The following TCF12 variants were observed in gnomAD, a reference collection of about 807,000 sequenced individuals.
The protein encoded by TCF12 is DNA-binding protein HTF4.
TCF12 carries 45 observed loss-of-function variants against 86.0 expected under a neutral mutation model. That is an observed-to-expected ratio of 0.52 (90% confidence interval 0.41 to 0.67). The LOEUF (loss-of-function observed/expected upper bound fraction) is 0.67. TCF12 is among the 30% of genes least tolerant of loss of function. The pLI is 0.00. For synonymous variants in TCF12, 330 were observed against 299.6 expected (o/e 1.10, Z -1.05); for missense variants, 881 against 859.9 (o/e 1.02, Z -0.31).
intron 3 of TCF12, among the ~76,000 whole-genome samples, chr15:56,928,252 T>A (rs1450745528): frequency 5.3e-5 from 8 of 152,288 alleles, no homozygotes; most frequent in African/African-American, 1.9e-4. Flanking sequence ...AATAAGGTTA[T>A]CTATATATTT....
intron 4 of TCF12, among the ~76,000 whole-genome samples, chr15:57,068,556 T>C (rs1333455125): frequency 6.6e-6 from 1 of 152,216 alleles, no homozygotes; most frequent in Admixed American, 6.5e-5. Flanking sequence ...CTGCCAAACT[T>C]GGATATAAAA....
At chr15:57,060,745 A>G (rs1385470510) in intron 3 of TCF12, among the ~76,000 whole-genome samples, 1 of 152,044 alleles carries the variant, frequency 6.6e-6, no homozygotes, top group South Asian at 2.1e-4. Context: ...GTCAATAGGT[A>G]TTTTTTTCAG....
chr15:56,936,839 A>G (rs749101000), intron 3 of TCF12, among the ~76,000 whole-genome samples: 112 of 152,114 alleles, frequency 7.4e-4, no homozygotes, highest in Middle Eastern at 3.4e-3. Flanking sequence ...CTGTGTGCTT[A>G]TTTTTATACT....
At chr15:57,224,013 C>T (rs1266353742) in intron 8 of TCF12, among the ~76,000 whole-genome samples, 1 of 151,926 alleles carries the variant, frequency 6.6e-6, no homozygotes, top group Non-Finnish European at 1.5e-5. Flanking sequence ...TTCCCCTTTA[C>T]CAAAAATATC....
intron 8 of TCF12, among the ~76,000 whole-genome samples, chr15:57,227,300 C>T (rs1355197092): frequency 6.6e-6 from 1 of 152,048 alleles, no homozygotes; most frequent in South Asian, 2.1e-4. Flanking sequence ...GTGTTAATTA[C>T]AGGAAAGATG....
intron 7 of TCF12, among the ~76,000 whole-genome samples, chr15:57,193,430 C>A (rs2057086852): frequency 6.6e-6 from 1 of 152,188 alleles, no homozygotes; most frequent in Admixed American, 6.5e-5. Context: ...TAGCTCCCTT[C>A]TTTTATGTCT....
chr15:56,940,579 TC>T (rs752434811), intron 3 of TCF12, among the ~76,000 whole-genome samples: 124 of 149,806 alleles, frequency 8.3e-4, no homozygotes, highest in African/African-American at 3.0e-3. Context: ...CTTCTTCTTC[TC>T]CTTCTCCTCC....
chr15:56,922,119 T>A (rs932940992), intron 3 of TCF12, among the ~76,000 whole-genome samples: 3 of 151,876 alleles, frequency 2.0e-5, no homozygotes, highest in Non-Finnish European at 4.4e-5. Context: ...ATTTGAAAAT[T>A]GTTACTTTTT....
At chr15:56,930,732 TTTTA>T (rs10608006) in intron 3 of TCF12, among the ~76,000 whole-genome samples, 52,353 of 151,484 alleles carry the variant, frequency 0.35, 11,001 homozygotes, top group African/African-American at 0.58. Flanking sequence ...TGATAGCATA[TTTTA>T]TTTGTCAAGA....
At chr15:57,056,314 G>C (rs1201980461) in intron 3 of TCF12, among the ~76,000 whole-genome samples, 1 of 151,846 alleles carries the variant, frequency 6.6e-6, no homozygotes, top group African/African-American at 2.4e-5. Context: ...CTACTTTTCT[G>C]TATTTTCAGT....
At chr15:56,961,878 C>G (rs2061770935) in intron 3 of TCF12, among the ~76,000 whole-genome samples, 1 of 151,876 alleles carries the variant, frequency 6.6e-6, no homozygotes, top group Admixed American at 6.6e-5. Context: ...CGCGGTGGCT[C>G]ACGCTTGTAA....
At chr15:57,146,662 A>T (rs1354617441) in intron 5 of TCF12, among the ~76,000 whole-genome samples, 1 of 152,194 alleles carries the variant, frequency 6.6e-6, no homozygotes, top group East Asian at 1.9e-4. Context: ...TTCGTTTCCA[A>T]AATTCTGTCT....
At chr15:57,125,192 C>CTT (rs760135540) in intron 5 of TCF12, among the ~76,000 whole-genome samples, 7 of 152,144 alleles carry the variant, frequency 4.6e-5, no homozygotes, top group Non-Finnish European at 8.8e-5. Context: ...TTACTTGGAA[C>CTT]TTTTATATGC....
intron 5 of TCF12, among the ~76,000 whole-genome samples, chr15:57,121,913 C>T (rs1045210564): frequency 6.6e-6 from 1 of 152,052 alleles, no homozygotes; most frequent in Non-Finnish European, 1.5e-5. Context: ...ATATAACTTA[C>T]TAGGTTGTCC....
intron 3 of TCF12, among the ~76,000 whole-genome samples, chr15:56,944,447 G>A (rs1396059023): frequency 6.6e-6 from 1 of 152,100 alleles, no homozygotes; most frequent in Admixed American, 6.5e-5. Context: ...TTTAAACGTT[G>A]AGCCTAGATT....
At chr15:57,257,518 G>A (rs1340687766) in intron 16 of TCF12, among the ~76,000 whole-genome samples, 2 of 152,032 alleles carry the variant, frequency 1.3e-5, no homozygotes, top group African/African-American at 2.4e-5. Context: ...TTAATTAACT[G>A]GGCATGGTGG....
chr15:57,087,212 A>T (rs2048704518), intron 4 of TCF12, among the ~76,000 whole-genome samples: 1 of 151,864 alleles, frequency 6.6e-6, no homozygotes. Context: ...CAGGAATTCA[A>T]GACTAGCCTG....
chr15:57,086,339 A>C (rs2048629684), intron 4 of TCF12, among the ~76,000 whole-genome samples: 1 of 151,770 alleles, frequency 6.6e-6, no homozygotes, highest in African/African-American at 2.4e-5. Context: ...CAACCTGTGA[A>C]GTGAACGCAT....
At chr15:56,947,443 A>T (rs1421170530) in intron 3 of TCF12, among the ~76,000 whole-genome samples, 1 of 152,164 alleles carries the variant, frequency 6.6e-6, no homozygotes, top group South Asian at 2.1e-4. Context: ...CAGAACTCTA[A>T]TTTCTGTCCC....
Sources: allele counts gnomAD v4.1 joint callset (sites outside exome capture counted in the v4.1 genomes callset), GRCh38; gene constraint gnomAD v4.1.1; transcripts MANE v1.5; gene names NCBI Gene and HGNC (gene_info 2026-07-23, HGNC 2026-07-21).